The following TFEC variants were observed in gnomAD, a reference collection of about 807,000 sequenced individuals.
TFEC encodes the protein class E basic helix-loop-helix protein 34.
TFEC carries 31 observed loss-of-function variants against 41.6 expected under a neutral mutation model. The observed-to-expected ratio is 0.74, with a 90% confidence interval of 0.56 to 1.01. TFEC has a LOEUF of 1.01. TFEC is among the 50% of genes least tolerant of loss of function. The probability of loss-of-function intolerance (pLI) is 0.00; values close to 1 mark genes in which losing one functional copy is unlikely to be tolerated. For missense variants in TFEC, 402 were observed against 404.1 expected, an observed-to-expected ratio of 0.99 and a Z score of 0.04; for synonymous variants, 143 against 140.6, an observed-to-expected ratio of 1.02 and a Z score of -0.12.
chr7:116,009,229 T>C (rs1452901279), intron 1 of TFEC, among the ~76,000 whole-genome samples: 1 of 152,172 alleles, frequency 6.6e-6, no homozygotes, highest in Non-Finnish European at 1.5e-5. Flanking sequence ...TTGTTTAGGC[T>C]GATCCATTTT....
intron 1 of TFEC, among the ~76,000 whole-genome samples, chr7:116,028,369 A>T (rs991888851): frequency 6.6e-6 from 1 of 152,194 alleles, no homozygotes; most frequent in Non-Finnish European, 1.5e-5. Context: ...ATTCTATATA[A>T]TAAGGAATAT....
At chr7:115,954,444 C>T (rs1412376911) in intron 5 of TFEC, 142 bp downstream of exon 5, 1 of 532,622 alleles carries the variant, frequency 1.9e-6, no homozygotes, top group Non-Finnish European at 3.2e-6. Flanking sequence ...GTTAATATTT[C>T]CCAAAATAAA....
intron 3 of TFEC, among the ~76,000 whole-genome samples, chr7:116,094,741 C>T (rs1797412078): frequency 6.6e-6 from 1 of 151,996 alleles, no homozygotes; most frequent in Admixed American, 6.6e-5. Flanking sequence ...AAACAGAGTA[C>T]ATTGAGATAT....
intron 3 of TFEC, among the ~76,000 whole-genome samples, chr7:116,038,748 A>G (rs1156415686): frequency 6.6e-6 from 1 of 152,024 alleles, no homozygotes; most frequent in Non-Finnish European, 1.5e-5. Flanking sequence ...GAGCCTGCCA[A>G]AGTTGTACCA....
intron 2 of TFEC, among the ~76,000 whole-genome samples, chr7:115,977,120 T>A (rs1793417891): frequency 6.6e-6 from 1 of 151,994 alleles, no homozygotes; most frequent in Admixed American, 6.6e-5. Flanking sequence ...CTTCTAAGTA[T>A]CTCCATAATT....
chr7:116,107,946 A>G (rs903487998), intron 3 of TFEC, among the ~76,000 whole-genome samples: 1 of 152,170 alleles, frequency 6.6e-6, no homozygotes, highest in Non-Finnish European at 1.5e-5. Flanking sequence ...TCCCATAGCA[A>G]TTGCTTACCA....
chr7:115,947,932 A>T (rs1791695933), intron 6 of TFEC, among the ~76,000 whole-genome samples: 1 of 152,108 alleles, frequency 6.6e-6, no homozygotes, highest in Middle Eastern at 3.2e-3. Flanking sequence ...AAGGATCAAC[A>T]AAATTGATAG....
intron 3 of TFEC, among the ~76,000 whole-genome samples, chr7:116,067,938 C>T (rs1389266779): frequency 6.6e-6 from 1 of 151,822 alleles, no homozygotes; most frequent in Non-Finnish European, 1.5e-5. Context: ...GCCTATACCT[C>T]CCTGAAAATC....
intron 2 of TFEC, among the ~76,000 whole-genome samples, chr7:115,978,997 T>G (rs1254287097): frequency 6.6e-6 from 1 of 152,130 alleles, no homozygotes; most frequent in Non-Finnish European, 1.5e-5. Context: ...AATCTCTTCC[T>G]CCAGTCCAGC....
rs985453738 is a variant in TFEC, at chr7:115,940,399, C to G, written c.*152G>C. 3.6e-6 allele frequency: 3 copies of G among 833,168 alleles called. No homozygotes were observed. In the East Asian group the frequency reaches 8.5e-5, roughly 24 times the overall value. The allele number at this position is 833,168 out of a possible 1,614,324, so 51.6% of individuals were successfully genotyped here. ...ATTAACACTATGATTTTTCTTCCTG[C>G]GAATTCTTCTGTTGCTTCTATCAGT... On this transcript the variant is annotated 3_prime_UTR_variant, in exon 8 of 8. Coordinates refer to ENST00000265440, the MANE Select transcript of TFEC (RefSeq NM_012252.4).
intron 1 of TFEC, among the ~76,000 whole-genome samples, chr7:116,150,940 A>G (rs981068258): frequency 6.6e-6 from 1 of 152,170 alleles, no homozygotes; most frequent in Admixed American, 6.5e-5. Context: ...TCCCTCTTAA[A>G]TGACTATAAT....
At chr7:116,044,381 T>A (rs1450378338) in intron 3 of TFEC, among the ~76,000 whole-genome samples, 2 of 152,182 alleles carry the variant, frequency 1.3e-5, no homozygotes, top group African/African-American at 2.4e-5. Flanking sequence ...ACAATAAACC[T>A]TTTTATATTC....
At position 116,074,147 on chromosome 7, in the gene TFEC, TATG is replaced by T. The variant is rs754935721; in HGVS notation, c.198+36558_198+36560del. 5.7e-4 allele frequency among the ~76,000 whole-genome samples: 86 copies of T among 150,716 alleles called. 1 individual carries two copies. Among genetic ancestry groups the T allele is most frequent in the African/African-American group, 2.0e-3 (83 of 41,062 alleles). ...AAACATATATATGCTTATATATATT[TATG>T]ATTACTAAATATGTATTTACCTAAA... is the stretch of plus-strand genomic sequence containing the variant. On this transcript the variant is annotated intron_variant, in intron 3 of 8. Transcript: ENST00000484212.
intron 3 of TFEC, among the ~76,000 whole-genome samples, chr7:116,039,161 T>C (rs1795975625): frequency 6.6e-6 from 1 of 152,100 alleles, no homozygotes; most frequent in Non-Finnish European, 1.5e-5. Context: ...CTGCTAAATA[T>C]CTTTAACATA....
intron 3 of TFEC, among the ~76,000 whole-genome samples, chr7:116,054,741 A>T (rs1305501297): frequency 6.6e-6 from 1 of 152,160 alleles, no homozygotes; most frequent in African/African-American, 2.4e-5. Context: ...CTGAATGTCA[A>T]ATGTAGCTGA....
chr7:115,946,438 T>TGTGTGTGTGTGTG (rs1791561813), intron 6 of TFEC, among the ~76,000 whole-genome samples: 1 of 142,830 alleles, frequency 7.0e-6, no homozygotes, highest in Non-Finnish European at 1.5e-5. Flanking sequence ...TGTGTGTGTG[T>TGTGTGTGTGTGTG]AGGGTCTTAT....
At chr7:115,998,076 A>C (rs1046977685) in intron 1 of TFEC, among the ~76,000 whole-genome samples, 2 of 152,152 alleles carry the variant, frequency 1.3e-5, no homozygotes, top group Non-Finnish European at 1.5e-5. Flanking sequence ...CCAAGCCTAG[A>C]GAAAGATATC....
intron 1 of TFEC, among the ~76,000 whole-genome samples, chr7:116,003,637 G>A (rs1191623062): frequency 2.6e-5 from 4 of 152,032 alleles, no homozygotes; most frequent in Non-Finnish European, 5.9e-5. Flanking sequence ...CAATCAGACA[G>A]ACATATTTAA....
intron 3 of TFEC, among the ~76,000 whole-genome samples, chr7:116,090,141 T>G (rs565633589): frequency 4.2e-4 from 64 of 152,318 alleles, no homozygotes; most frequent in African/African-American, 1.4e-3. Context: ...GCCCAGCAGA[T>G]GAGAAATTGA....
Sources: allele counts gnomAD v4.1 joint callset (sites outside exome capture counted in the v4.1 genomes callset), GRCh38; gene constraint gnomAD v4.1.1; transcripts MANE v1.5; gene names NCBI Gene and HGNC (gene_info 2026-07-23, HGNC 2026-07-21).